ZNF485: variants seen among roughly 807,000 people sequenced by gnomAD.
ZNF485 encodes Zinc finger protein 93 (Zinc finger protein HTF34).
ZNF485 carries 9 observed loss-of-function variants against 10.8 expected under a neutral mutation model. That is an observed-to-expected ratio of 0.83 (90% CI 0.50 to 1.45). The LOEUF (loss-of-function observed/expected upper bound fraction) is 1.45. Ranked by LOEUF, ZNF485 falls within the 40% of genes most tolerant of loss-of-function variation. ZNF485 has a pLI of 0.00. For missense variants in ZNF485, 487 were observed against 528.0 expected, an observed-to-expected ratio of 0.92 and a Z score of 0.76; for synonymous variants, 187 against 181.0, an observed-to-expected ratio of 1.03 and a Z score of -0.27.
intron 2 of ZNF485, 139 bp from the exon 3 acceptor site, chr10:43,608,475 G>T: frequency 2.7e-6 from 3 of 1,109,476 alleles, no homozygotes; most frequent in Non-Finnish European, 1.3e-6. Flanking sequence ...CACATCCCCT[G>T]AGCCCTCAGC....
chr10:43,616,964 T>A lies in ZNF485; in HGVS notation c.921T>A (p.Phe307Leu). ...PYQCNECGKA[F>L]RKSSTLISHQ... Reference sequence around the variant, plus strand: ...AGTGTAATGAATGTGGAAAAGCCTTTAGGAAGAGCTCAACTCTTATTAGTC... The same window carrying A: ...AGTGTAATGAATGTGGAAAAGCCTTAAGGAAGAGCTCAACTCTTATTAGTC... Residue 307 changes from phenylalanine to leucine, a missense_variant, in exon 5 of 5, where the codon TTT (phenylalanine) becomes TTA (leucine). By Grantham distance (22) the Phe-to-Leu change is conservative. Transcript: ENST00000361807. 1.9e-6 allele frequency: 3 copies of A among 1,614,142 alleles called. No homozygotes were observed. Among genetic ancestry groups the A allele is most frequent in the South Asian group, 1.1e-5 (1 of 91,082 alleles).
chr10:43,617,004 A>G lies in ZNF485; in HGVS notation c.961A>G (p.Thr321Ala), dbSNP rs764283982. 2.9e-5 allele frequency: 46 copies of G among 1,614,028 alleles called. No homozygotes were observed. Among genetic ancestry groups the G allele is most frequent in the Non-Finnish European group, 3.6e-5 (43 of 1,180,044 alleles). Residue 321 changes from threonine (T) to alanine (A), a missense_variant, in exon 5 of 5, where the codon ACT becomes GCT. Physicochemically the swap from Thr to Ala is moderately conservative, Grantham distance 58 (BLOSUM62 0). Coordinates refer to ENST00000361807, the MANE Select transcript of ZNF485 (RefSeq NM_145312.4). ...TCTTATTAGTCACCAAAGAATGCAT[A>G]CTGGGGAGAAACCCTATCACTGCAG... Reference protein sequence around the residue: ...STLISHQRMHTGEKPYHCSKC... With the variant: ...STLISHQRMHAGEKPYHCSKC...
chr10:43,606,505 C>T lies in ZNF485; in HGVS notation c.-96C>T, dbSNP rs1297236410. ...CCGAACGGCGTGGTGTGGTCGCTGA[C>T]TCTCTGGGCGTGCAGCTCCGCAGCC... On this transcript the variant is annotated 5_prime_UTR_variant, in exon 1 of 5. Coordinates refer to ENST00000361807, the MANE Select transcript of ZNF485 (RefSeq NM_145312.4). 1.4e-5 allele frequency: 5 copies of T among 358,386 alleles called. No individual in the cohort carries two copies. Among genetic ancestry groups the T allele is most frequent in the African/African-American group, 6.4e-5 (3 of 47,134 alleles). The allele number at this position is 358,386 out of a possible 1,614,324, so 22.2% of individuals were successfully genotyped here.
At chr10:43,608,547 G>A (rs1838699700) in intron 2 of ZNF485, 67 bp from the exon 3 acceptor site, 1 of 1,542,490 alleles carries the variant, frequency 6.5e-7, no homozygotes, top group African/African-American at 1.4e-5. Flanking sequence ...TGACCACCTT[G>A]CTTCCTTCTC....
intron 4 of ZNF485, among the ~76,000 whole-genome samples, chr10:43,610,195 GC>G (rs921996548): frequency 4.6e-5 from 7 of 151,872 alleles, no homozygotes. Context: ...ACTGTCCTTT[GC>G]TCTTGGCTCT....
At chr10:43,609,612 TTC>T (rs1226408011) in intron 4 of ZNF485, among the ~76,000 whole-genome samples, 1 of 152,184 alleles carries the variant, frequency 6.6e-6, no homozygotes, top group Admixed American at 6.5e-5. Flanking sequence ...TATGTGATTT[TTC>T]TCTCTCTCTT....
intron 2 of ZNF485, 44 bp downstream of exon 2, chr10:43,607,118 C>T: frequency 6.5e-7 from 1 of 1,550,128 alleles, no homozygotes; most frequent in African/African-American, 1.4e-5. Context: ...CGTGTTTCAG[C>T]GAGGTGGGGT....
At position 43,616,552 on chromosome 10, in the gene ZNF485, G is replaced by A. The variant is rs1233454117; in HGVS notation, c.509G>A (p.Ser170Asn). 4 of 1,614,094 alleles carry A rather than the reference G, an allele frequency of 2.5e-6. No homozygotes were observed. Among genetic ancestry groups the A allele is most frequent in the Non-Finnish European group, 3.4e-6 (4 of 1,180,052 alleles). The change falls in exon 5 of 5, where the codon AGT (serine) becomes AAT (asparagine). Residue 170 changes from serine (S) to asparagine (N), a missense_variant. By Grantham distance (46) the Ser-to-Asn change is conservative. Coordinates refer to ENST00000361807, the MANE Select transcript of ZNF485 (RefSeq NM_145312.4). ...GAATGTGGGATCGCCTTTATGAACA[G>A]TTCATCCCTTTTAAATCACCATAAG... ...CKECGIAFMN[S>N]SSLLNHHKVH...
chr10:43,610,003 C>G lies in ZNF485; in HGVS notation c.247+653C>G, dbSNP rs540452147. On this transcript the variant is annotated intron_variant, in intron 4 of 4. Transcript: ENST00000361807. ...GTCTGGCCCATGTTCATTTTCCATT[C>G]CTTACCCACTCTCTCATGGAAGCTT... Among the ~76,000 whole-genome samples, 25 of 152,262 alleles carry G rather than the reference C, an allele frequency of 1.6e-4. No individual in the cohort carries two copies. The South Asian group carries it at 4.8e-3, about 29-fold the overall frequency.
At chr10:43,614,671 T>A (rs1415968149) in intron 4 of ZNF485, among the ~76,000 whole-genome samples, 1 of 152,080 alleles carries the variant, frequency 6.6e-6, no homozygotes, top group Non-Finnish European at 1.5e-5. Flanking sequence ...ATGTTTATTT[T>A]AAATTATATA....
intron 4 of ZNF485, among the ~76,000 whole-genome samples, chr10:43,615,302 C>T (rs1318357145): frequency 3.3e-5 from 5 of 149,902 alleles, no homozygotes. Context: ...TTTTTCAGAA[C>T]GTTTTTGTCT....
At position 43,617,464 on chromosome 10, in the gene ZNF485, G is replaced by GTTA; in HGVS notation, c.*95_*96insTTA. ...TTTAACAGAAATACTCTGTACTTCT[G>GTTA]AGAGAACACATCACTTGTGAGGATA... On this transcript the variant is annotated 3_prime_UTR_variant, in exon 5 of 5. Coordinates refer to ENST00000361807, the MANE Select transcript of ZNF485 (RefSeq NM_145312.4). 1.1e-6 allele frequency: 1 copy of GTTA among 893,594 alleles called. No individual in the cohort carries two copies. Among genetic ancestry groups the GTTA allele is most frequent in the Non-Finnish European group, 1.7e-6 (1 of 588,736 alleles). 55.4% of individuals were successfully genotyped at this position (893,594 alleles called of 1,614,324 possible). A position where few individuals can be genotyped will look rare whatever the true frequency, so the allele number is the denominator to read the frequency against.
intron 4 of ZNF485, 112 bp downstream of exon 4, chr10:43,609,462 C>T: frequency 2.6e-6 from 2 of 774,480 alleles, no homozygotes; most frequent in East Asian, 2.7e-5. Flanking sequence ...GCACTGGTTT[C>T]CTCTTTTGAT....
intron 1 of ZNF485, 113 bp downstream of exon 1, chr10:43,606,659 C>T: frequency 3.1e-6 from 1 of 318,724 alleles, no homozygotes; most frequent in Non-Finnish European, 5.8e-6. Context: ...GAGGGGAAGG[C>T]GGCGGTGGGC....
chr10:43,609,345 A>G lies in ZNF485; in HGVS notation c.242A>G (p.His81Arg), dbSNP rs768056917. The G allele has an allele frequency of 5.0e-6, 8 of 1,613,432 alleles. No individual in the cohort carries two copies. In the Admixed American group the frequency reaches 8.3e-5, roughly 17 times the overall value. The change falls in exon 4 of 5, where the codon CAT becomes CGT. Residue 81 changes from histidine (H) to arginine (R), a missense_variant. Coordinates refer to ENST00000361807, the MANE Select transcript of ZNF485 (RefSeq NM_145312.4). ...GTGCGAGAGGCTCCATCAGGCACACATGCAGGTGAGTGGGTGGGGAACATC... is the reference window on the plus strand; with the variant it reads ...GTGCGAGAGGCTCCATCAGGCACACGTGCAGGTGAGTGGGTGGGGAACATC... ...TEVREAPSGT[H>R]AVEDYWFETK...
intron 4 of ZNF485, among the ~76,000 whole-genome samples, chr10:43,611,181 G>T (rs1043288097): frequency 3.3e-5 from 5 of 151,996 alleles, no homozygotes; most frequent in African/African-American, 1.2e-4. Flanking sequence ...GACCACAGGA[G>T]CATGCTACCA....
chr10:43,614,545 C>G (rs1040394000), intron 4 of ZNF485, among the ~76,000 whole-genome samples: 1 of 152,168 alleles, frequency 6.6e-6, no homozygotes, highest in African/African-American at 2.4e-5. Flanking sequence ...CCTCCTGCCT[C>G]AGCCTCCCAA....
chr10:43,616,913 A>G lies in ZNF485; in HGVS notation c.870A>G (p.Lys290=). 2.5e-6 allele frequency: 4 copies of G among 1,614,144 alleles called. No homozygotes were observed. Among genetic ancestry groups the G allele is most frequent in the Non-Finnish European group, 3.4e-6 (4 of 1,180,046 alleles). The change falls in exon 5 of 5, where the codon AAA becomes AAG. Residue 290 remains lysine, a synonymous_variant. Coordinates refer to ENST00000361807, the MANE Select transcript of ZNF485 (RefSeq NM_145312.4). ...RDNSTVLEHQ[K]IHTGEKPYQC... is the part of the protein sequence containing the mutation. ...ATTCAACTGTGTTGGAACATCAGAA[A>G]ATCCATACTGGTGAGAAGCCATATC...
At position 43,617,005 on chromosome 10, in the gene ZNF485, C is replaced by T. The variant is rs1838875223; in HGVS notation, c.962C>T (p.Thr321Ile). The T allele has an allele frequency of 1.2e-6, 2 of 1,614,132 alleles. No homozygotes were observed. Among genetic ancestry groups the T allele is most frequent in the Non-Finnish European group, 1.7e-6 (2 of 1,180,040 alleles). ...STLISHQRMH[T>I]GEKPYHCSKC... ...CTTATTAGTCACCAAAGAATGCATA[C>T]TGGGGAGAAACCCTATCACTGCAGT... The change falls in exon 5 of 5, where the codon ACT becomes ATT. Residue 321 changes from threonine (T) to isoleucine (I), a missense_variant. Thr to Ile is a moderately conservative substitution (Grantham distance 89, BLOSUM62 -1). Coordinates refer to ENST00000361807, the MANE Select transcript of ZNF485 (RefSeq NM_145312.4).
Sources: allele counts gnomAD v4.1 joint callset (sites outside exome capture counted in the v4.1 genomes callset), GRCh38; gene constraint gnomAD v4.1.1; transcripts MANE v1.5; gene names NCBI Gene and HGNC (gene_info 2026-07-23, HGNC 2026-07-21).